Variants in RORA observed in about 807,000 individuals in gnomAD.
RORA encodes nuclear receptor ROR-alpha.
Under a neutral mutation model 69.5 loss-of-function variants are expected in RORA, and 7 were observed. The ratio of observed to expected loss-of-function variants is 0.10; its 90% CI spans 0.06 to 0.19. The LOEUF is 0.19. Among genes scored for constraint, RORA ranks in the 10% least tolerant of loss-of-function variants. RORA has a pLI of 1.00. For missense variants in RORA, 457 were observed against 663.0 expected (o/e 0.69, Z 3.41); for synonymous variants, 261 against 240.8 (o/e 1.08, Z -0.78).
intron 1 of RORA, among the ~76,000 whole-genome samples, chr15:60,722,044 C>T (rs566955766): frequency 1.6e-4 from 24 of 152,366 alleles, no homozygotes; most frequent in Non-Finnish European, 2.5e-4. Flanking sequence ...TCTAAATGAT[C>T]ACAATTACTG....
At chr15:60,513,201 A>G (rs2065760249) in intron 4 of RORA, among the ~76,000 whole-genome samples, 1 of 152,214 alleles carries the variant, frequency 6.6e-6, no homozygotes, top group South Asian at 2.1e-4. Flanking sequence ...CAGATAAGAA[A>G]CTTGGGTGGG....
intron 1 of RORA, among the ~76,000 whole-genome samples, chr15:60,873,231 GTGTGTGTGTGTGTGTGTC>G (rs1379838442): frequency 1.6e-3 from 211 of 135,356 alleles, no homozygotes; most frequent in South Asian, 7.3e-3. Flanking sequence ...GGTCGTGTGT[GTGTGTGTGTGTGTGTGTC>G]TGTGTGTGTG....
intron 1 of RORA, among the ~76,000 whole-genome samples, chr15:61,222,949 G>A (rs1351599619): frequency 1.3e-5 from 2 of 152,084 alleles, no homozygotes; most frequent in African/African-American, 4.8e-5. Context: ...CATTAGATGG[G>A]AGAAAACTTA....
intron 1 of RORA, among the ~76,000 whole-genome samples, chr15:61,158,833 G>A (rs975287962): frequency 3.9e-5 from 6 of 152,140 alleles, no homozygotes; most frequent in African/African-American, 1.4e-4. Flanking sequence ...CACGTTCTAT[G>A]GCATTTAAAG....
At chr15:61,082,215 G>A (rs556607126) in intron 1 of RORA, among the ~76,000 whole-genome samples, 121 of 152,094 alleles carry the variant, frequency 8.0e-4, no homozygotes, top group Non-Finnish European at 1.5e-3. Context: ...TTGGCCGGGC[G>A]CAGTGGCTCA....
At chr15:60,785,093 G>A (rs934964865) in intron 1 of RORA, among the ~76,000 whole-genome samples, 1 of 152,184 alleles carries the variant, frequency 6.6e-6, no homozygotes, top group African/African-American at 2.4e-5. Context: ...ATTTACTCAC[G>A]ATTATTGTGT....
intron 1 of RORA, among the ~76,000 whole-genome samples, chr15:61,067,798 C>A (rs2078285897): frequency 1.3e-5 from 2 of 152,174 alleles, no homozygotes; most frequent in South Asian, 4.1e-4. Context: ...AATGTTCATC[C>A]CATCCATTCT....
At chr15:61,189,059 A>AGAGCAAG (rs2079771652) in intron 1 of RORA, among the ~76,000 whole-genome samples, 4 of 152,202 alleles carry the variant, frequency 2.6e-5, no homozygotes, top group Admixed American at 2.6e-4. Flanking sequence ...AAAGAAAATA[A>AGAGCAAG]GAGCAAGGGG....
intron 1 of RORA, among the ~76,000 whole-genome samples, chr15:60,744,343 C>T (rs770516591): frequency 1.1e-4 from 16 of 152,162 alleles, no homozygotes; most frequent in Non-Finnish European, 1.8e-4. Context: ...CCATTTCATA[C>T]AAATTAGATA....
chr15:60,810,251 G>C (rs2072722870), intron 1 of RORA, among the ~76,000 whole-genome samples: 1 of 152,128 alleles, frequency 6.6e-6, no homozygotes, highest in African/African-American at 2.4e-5. Flanking sequence ...TTCTACACTG[G>C]AAACAATTTT....
chr15:61,223,430 A>T (rs537873172), intron 1 of RORA, among the ~76,000 whole-genome samples: 74 of 152,316 alleles, frequency 4.9e-4, no homozygotes, highest in African/African-American at 1.7e-3. Flanking sequence ...TCAATTAACT[A>T]AAATCAACTA....
intron 1 of RORA, among the ~76,000 whole-genome samples, chr15:60,919,848 T>A (rs1476302048): frequency 6.6e-6 from 1 of 152,238 alleles, no homozygotes; most frequent in Admixed American, 6.5e-5. Context: ...TGTACCTATG[T>A]TTTTAGTATA....
chr15:60,986,315 G>C (rs1303909861), intron 1 of RORA, among the ~76,000 whole-genome samples: 1 of 152,154 alleles, frequency 6.6e-6, no homozygotes, highest in Non-Finnish European at 1.5e-5. Context: ...TGTATGTTTA[G>C]TAGAGATGGA....
chr15:60,691,715 GA>G (rs1369213029), intron 1 of RORA, among the ~76,000 whole-genome samples: 2 of 152,206 alleles, frequency 1.3e-5, no homozygotes, highest in African/African-American at 2.4e-5. Flanking sequence ...GCAATCAATA[GA>G]AAAGTTAAAA....
chr15:60,946,521 C>T (rs569504072), intron 1 of RORA, among the ~76,000 whole-genome samples: 6 of 152,222 alleles, frequency 3.9e-5, no homozygotes, highest in African/African-American at 7.2e-5. Flanking sequence ...CTGCCAGCTT[C>T]GGCCTCCCGA....
chr15:60,691,910 A>C (rs1027769506), intron 1 of RORA, among the ~76,000 whole-genome samples: 20 of 152,204 alleles, frequency 1.3e-4, no homozygotes, highest in Non-Finnish European at 1.9e-4. Context: ...GATAATAAAG[A>C]ATCTGCAGAA....
intron 1 of RORA, among the ~76,000 whole-genome samples, chr15:61,116,503 C>T (rs758290840): frequency 3.3e-5 from 5 of 152,174 alleles, no homozygotes; most frequent in African/African-American, 4.8e-5. Flanking sequence ...CTGGACCAAG[C>T]GGCCATTCCT....
chr15:60,653,298 CGTGT>C (rs61265165), intron 2 of RORA, among the ~76,000 whole-genome samples: 21,965 of 147,340 alleles, frequency 0.15, 1,765 homozygotes, highest in Middle Eastern at 0.27. Context: ...CAGGTGCATG[CGTGT>C]GTGTGTGTGT....
intron 1 of RORA, among the ~76,000 whole-genome samples, chr15:60,931,881 A>G (rs1416175516): frequency 6.6e-6 from 1 of 152,234 alleles, no homozygotes; most frequent in Non-Finnish European, 1.5e-5. Flanking sequence ...CAATATTAAC[A>G]CCATGTCAGG....
Sources: gnomAD v4.1 joint callset for allele counts (sites outside exome capture counted in the v4.1 genomes callset) on GRCh38, gnomAD v4.1.1 for gene constraint, MANE v1.5 for transcripts, NCBI Gene and HGNC (gene_info 2026-07-23, HGNC 2026-07-21) for gene names.